The following CNOT2 variants were observed in gnomAD, a reference collection of about 807,000 sequenced individuals.
CNOT2 encodes the protein CCR4-NOT transcription complex subunit 2.
In CNOT2, 7 loss-of-function variants were observed where a neutral mutation model predicts 72.1. The observed-to-expected ratio is 0.10, with a 90% CI of 0.06 to 0.18. CNOT2 has a LOEUF of 0.18. Ranked by LOEUF, CNOT2 falls within the 10% of genes least tolerant of loss-of-function variation. The pLI is 1.00. For synonymous variants in CNOT2, 196 were observed against 225.6 expected, an observed-to-expected ratio of 0.87 and a Z score of 1.17; for missense variants, 345 against 660.3, an observed-to-expected ratio of 0.52 and a Z score of 5.23.
intron 2 of CNOT2, chr12:70,297,930 T>G (rs1487704441): frequency 5.5e-6 from 1 of 182,572 alleles, no homozygotes; most frequent in Non-Finnish European, 1.2e-5. Context: ...AGAGATGGGG[T>G]TTCGCCATGT....
At chr12:70,305,779 C>T (rs1450711583) in intron 2 of CNOT2, among the ~76,000 whole-genome samples, 2 of 151,026 alleles carry the variant, frequency 1.3e-5, no homozygotes, top group African/African-American at 4.9e-5. Context: ...CTGCCTCTTA[C>T]TTCGTTGGTT....
intron 1 of CNOT2, among the ~76,000 whole-genome samples, chr12:70,252,822 T>C (rs1565727163): frequency 6.6e-6 from 1 of 152,200 alleles, no homozygotes. Context: ...ACTTACCCAG[T>C]AGAACTGATG....
intron 1 of CNOT2, among the ~76,000 whole-genome samples, chr12:70,277,012 A>G (rs1868938533): frequency 6.6e-6 from 1 of 151,984 alleles, no homozygotes; most frequent in East Asian, 1.9e-4. Context: ...GGTACTCCAT[A>G]TATATGTGTA....
intron 3 of CNOT2, among the ~76,000 whole-genome samples, chr12:70,313,867 A>G (rs1037849484): frequency 6.6e-6 from 1 of 152,078 alleles, no homozygotes; most frequent in African/African-American, 2.4e-5. Flanking sequence ...TCCCTTTATT[A>G]TATGTGCTAG....
At chr12:70,332,940 A>AT in intron 7 of CNOT2, 94 bp downstream of exon 7, 1 of 1,375,664 alleles carries the variant, frequency 7.3e-7, no homozygotes. Flanking sequence ...ATACGGTAGG[A>AT]TTTTTTATTA....
intron 2 of CNOT2, among the ~76,000 whole-genome samples, chr12:70,293,045 GCTT>G (rs1473261598): frequency 6.6e-6 from 1 of 151,726 alleles, no homozygotes; most frequent in Admixed American, 6.6e-5. Context: ...TCTTAAATAA[GCTT>G]CTATTTTTAT....
Position 70,278,158 on chromosome 12 carries a change from T to C in CNOT2, c.-69T>C. On this transcript the variant is annotated 5_prime_UTR_variant, in exon 2 of 16. Transcript: ENST00000229195. ...GGGAGACGTGGTGGGCGGTCCTTCC[T>C]GTGACACGACCCTTGAGTGACAGTT... 8.2e-7 allele frequency: 1 copy of C among 1,221,246 alleles called. No homozygotes were observed. The highest frequency in any genetic ancestry group is 1.2e-6 in the Non-Finnish European group (1 of 834,070). 75.7% of individuals were successfully genotyped at this position (1,221,246 alleles called of 1,614,324 possible). A position where few individuals can be genotyped will look rare whatever the true frequency, so the allele number is the denominator to read the frequency against.
chr12:70,320,559 T>C (rs1030952886), intron 4 of CNOT2, among the ~76,000 whole-genome samples: 2 of 151,770 alleles, frequency 1.3e-5, no homozygotes, highest in Non-Finnish European at 3.0e-5. Context: ...AAAAATTGTT[T>C]ATCTACAAAT....
intron 3 of CNOT2, among the ~76,000 whole-genome samples, chr12:70,313,121 A>G (rs1206894697): frequency 1.3e-5 from 2 of 152,046 alleles, no homozygotes; most frequent in Non-Finnish European, 2.9e-5. Flanking sequence ...TCATGTACAT[A>G]CAGTAAAACA....
At chr12:70,347,675 C>A (rs1882362684) in intron 15 of CNOT2, 1 of 151,606 alleles carries the variant, frequency 6.6e-6, no homozygotes, top group Non-Finnish European at 1.5e-5. Flanking sequence ...ACAGACAACA[C>A]CAAATAAGAT....
intron 1 of CNOT2, among the ~76,000 whole-genome samples, chr12:70,266,079 A>C (rs1450258110): frequency 6.6e-6 from 1 of 151,214 alleles, no homozygotes; most frequent in Non-Finnish European, 1.5e-5. Flanking sequence ...AGGAATTTGT[A>C]ATCTACTGTC....
At chr12:70,267,877 T>A (rs1428332651) in intron 1 of CNOT2, among the ~76,000 whole-genome samples, 1 of 152,244 alleles carries the variant, frequency 6.6e-6, no homozygotes, top group African/African-American at 2.4e-5. Context: ...ATTTGTTAGT[T>A]TATATATTGT....
intron 2 of CNOT2, among the ~76,000 whole-genome samples, chr12:70,302,488 A>T (rs980005514): frequency 6.6e-5 from 10 of 152,108 alleles, no homozygotes; most frequent in South Asian, 2.1e-4. Flanking sequence ...GTAGTCATTC[A>T]GGAGCAGGTT....
At chr12:70,282,676 G>A (rs957740646) in intron 2 of CNOT2, among the ~76,000 whole-genome samples, 1 of 152,030 alleles carries the variant, frequency 6.6e-6, no homozygotes, top group Non-Finnish European at 1.5e-5. Context: ...AGCTATTTCC[G>A]TTTCCCATTC....
chr12:70,319,268 T>C (rs1461133677), intron 3 of CNOT2, 30 bp from the exon 4 acceptor site: 1 of 1,595,650 alleles, frequency 6.3e-7, no homozygotes, highest in African/African-American at 1.3e-5. Context: ...CTGTTTTCTT[T>C]ATGCTCTAAT....
chr12:70,301,118 G>A (rs961418447), intron 2 of CNOT2, among the ~76,000 whole-genome samples: 3 of 152,090 alleles, frequency 2.0e-5, no homozygotes, highest in Non-Finnish European at 4.4e-5. Flanking sequence ...AGGAGATTTT[G>A]GGCTGAGATG....
chr12:70,283,493 A>G (rs1870257997), intron 2 of CNOT2, among the ~76,000 whole-genome samples: 1 of 151,818 alleles, frequency 6.6e-6, no homozygotes, highest in South Asian at 2.1e-4. Context: ...AGATAGATAG[A>G]TAGATAGATA....
intron 15 of CNOT2, among the ~76,000 whole-genome samples, chr12:70,348,475 A>G (rs1328342976): frequency 7.2e-5 from 11 of 152,184 alleles, no homozygotes. Flanking sequence ...AGGTGATGCT[A>G]CAGGAGTCAA....
chr12:70,303,087 C>T (rs1340597231), intron 2 of CNOT2, among the ~76,000 whole-genome samples: 12 of 152,198 alleles, frequency 7.9e-5, no homozygotes, highest in African/African-American at 2.2e-4. Flanking sequence ...TCCTCCATCC[C>T]TTTATTTTGA....
Sources: gnomAD v4.1 joint callset for allele counts (sites outside exome capture counted in the v4.1 genomes callset) on GRCh38, gnomAD v4.1.1 for gene constraint, MANE v1.5 for transcripts, NCBI Gene and HGNC (gene_info 2026-07-23, HGNC 2026-07-21) for gene names.